LHFPL6: variants seen among roughly 807,000 people sequenced by gnomAD.
The protein encoded by LHFPL6 is LHFPL tetraspan subfamily member 6 protein.
A neutral mutation model predicts 20.6 loss-of-function variants in LHFPL6; 9 were observed. The ratio of observed to expected loss-of-function variants is 0.44; its 90% CI spans 0.26 to 0.76. The LOEUF (loss-of-function observed/expected upper bound fraction) is 0.76. LHFPL6 is among the 30% of genes least tolerant of loss of function. The pLI is 0.20. For synonymous variants in LHFPL6, 105 were observed against 98.7 expected (o/e 1.06, Z -0.38); for missense variants, 218 against 253.5 (o/e 0.86, Z 0.95).
intron 2 of LHFPL6, among the ~76,000 whole-genome samples, chr13:39,571,165 T>C (rs1047778294): frequency 6.6e-6 from 1 of 152,204 alleles, no homozygotes. Flanking sequence ...GGCAGCCAAA[T>C]GCCTAGACAG....
At chr13:39,414,688 T>C (rs1042501524) in intron 2 of LHFPL6, among the ~76,000 whole-genome samples, 2 of 152,226 alleles carry the variant, frequency 1.3e-5, no homozygotes, top group Admixed American at 6.5e-5. Flanking sequence ...AAACATGCTA[T>C]GAAATTCTTG....
chr13:39,451,461 C>T (rs1872442040), intron 2 of LHFPL6, among the ~76,000 whole-genome samples: 1 of 152,196 alleles, frequency 6.6e-6, no homozygotes, highest in Non-Finnish European at 1.5e-5. Flanking sequence ...AAACAGTTGG[C>T]CTGTAGCCAA....
chr13:39,542,825 T>C (rs1305625508), intron 2 of LHFPL6, among the ~76,000 whole-genome samples: 3 of 152,226 alleles, frequency 2.0e-5, no homozygotes, highest in African/African-American at 4.8e-5. Context: ...GAACAGGACG[T>C]GTCTCCAAGT....
At chr13:39,527,980 T>C (rs929047053) in intron 2 of LHFPL6, among the ~76,000 whole-genome samples, 3 of 152,346 alleles carry the variant, frequency 2.0e-5, no homozygotes, top group Non-Finnish European at 4.4e-5. Flanking sequence ...ATATGCTATT[T>C]TATCTGACCT....
chr13:39,495,598 C>A (rs959398643), intron 2 of LHFPL6, among the ~76,000 whole-genome samples: 5 of 136,328 alleles, frequency 3.7e-5, no homozygotes, highest in African/African-American at 1.3e-4. Context: ...AACGACCATA[C>A]TAGGCTTTTT....
intron 3 of LHFPL6, among the ~76,000 whole-genome samples, chr13:39,345,583 G>A (rs1305653681): frequency 6.8e-6 from 1 of 147,576 alleles, no homozygotes; most frequent in South Asian, 2.2e-4. Context: ...CAGTCTGCAG[G>A]AAAACAGCCT....
chr13:39,347,207 GTC>G (rs1417183916), intron 3 of LHFPL6, among the ~76,000 whole-genome samples: 1 of 150,842 alleles, frequency 6.6e-6, no homozygotes, highest in African/African-American at 2.4e-5. Context: ...CCTGTGTCTT[GTC>G]TCTGGCCACA....
At chr13:39,396,785 GAC>G (rs1452016383) in intron 2 of LHFPL6, among the ~76,000 whole-genome samples, 2 of 152,110 alleles carry the variant, frequency 1.3e-5, no homozygotes, top group Admixed American at 6.6e-5. Context: ...GACAGAATGA[GAC>G]ACTGTCTCAA....
intron 2 of LHFPL6, among the ~76,000 whole-genome samples, chr13:39,495,482 T>C (rs546647711): frequency 4.0e-4 from 61 of 152,316 alleles, no homozygotes; most frequent in Non-Finnish European, 7.2e-4. Context: ...ATTTCAGTTA[T>C]AGGCATCAAA....
At chr13:39,575,320 C>A (rs1872080877) in intron 2 of LHFPL6, among the ~76,000 whole-genome samples, 1 of 152,052 alleles carries the variant, frequency 6.6e-6, no homozygotes, top group African/African-American at 2.4e-5. Context: ...CTATTTGTAC[C>A]CTTACTTGTA....
At chr13:39,576,810 A>AT (rs10716031) in intron 2 of LHFPL6, among the ~76,000 whole-genome samples, 1 of 151,734 alleles carries the variant, frequency 6.6e-6, no homozygotes. Context: ...ATTTAAACAA[A>AT]TTTTTTTTCT....
chr13:39,342,907 G>T lies in LHFPL6; in HGVS notation c.*1029C>A, dbSNP rs979770115. On this transcript the variant is annotated 3_prime_UTR_variant, in exon 4 of 4. Coordinates refer to ENST00000379589, the MANE Select transcript of LHFPL6 (RefSeq NM_005780.3). ...CTCATCTAGCTATTGATCAAAGAGA[G>T]AATTTATTCACAGAGATTTTCAAAT... 3.9e-5 allele frequency: 7 copies of T among 178,924 alleles called. No individual in the cohort carries two copies. Among genetic ancestry groups the T allele is most frequent in the Non-Finnish European group, 7.2e-5 (6 of 83,142 alleles). The allele number at this position is 178,924 out of a possible 1,614,324, so 11.1% of individuals were successfully genotyped here. A position where few individuals can be genotyped will look rare whatever the true frequency, so the allele number is the denominator to read the frequency against.
At position 39,390,545 on chromosome 13, in the gene LHFPL6, TAA is replaced by T. The variant is rs772520388; in HGVS notation, c.386-12021_386-12020del. ...AAGGAAACAAGATTTTACAATGTAA[TAA>T]AGAGTGGGAAGCAGGTGAGAGACGA... is the stretch of plus-strand genomic sequence containing the variant. On this transcript the variant is annotated intron_variant, in intron 2 of 3. Coordinates refer to ENST00000379589, the MANE Select transcript of LHFPL6 (RefSeq NM_005780.3). Among the ~76,000 whole-genome samples, 20 of 151,828 alleles carry T rather than the reference TAA, an allele frequency of 1.3e-4. No homozygotes were observed. In the East Asian group the frequency reaches 1.8e-3, roughly 13 times the overall value.
intron 2 of LHFPL6, among the ~76,000 whole-genome samples, chr13:39,543,456 A>G (rs1870873578): frequency 6.6e-6 from 1 of 152,204 alleles, no homozygotes; most frequent in African/African-American, 2.4e-5. Context: ...CTGGCACATA[A>G]TAAGCACCCA....
chr13:39,525,278 C>T (rs979862920), intron 2 of LHFPL6, among the ~76,000 whole-genome samples: 2 of 151,916 alleles, frequency 1.3e-5, no homozygotes, highest in African/African-American at 4.8e-5. Context: ...GAGGTCTCCG[C>T]CTGAGAAAGA....
intron 3 of LHFPL6, among the ~76,000 whole-genome samples, chr13:39,367,739 G>A (rs1159639200): frequency 6.6e-6 from 1 of 152,208 alleles, no homozygotes; most frequent in Admixed American, 6.5e-5. Context: ...AAAAGCCTAT[G>A]AAAATTGCAA....
chr13:39,431,487 T>C (rs1871801240), intron 2 of LHFPL6, among the ~76,000 whole-genome samples: 1 of 152,220 alleles, frequency 6.6e-6, no homozygotes, highest in Non-Finnish European at 1.5e-5. Flanking sequence ...ACATACCTTT[T>C]GTCTGAATCC....
chr13:39,447,742 G>C (rs75468709), intron 2 of LHFPL6, among the ~76,000 whole-genome samples: 1 of 152,162 alleles, frequency 6.6e-6, no homozygotes, highest in Non-Finnish European at 1.5e-5. Flanking sequence ...AAAAGGGAAG[G>C]ATGCAAGAAG....
intron 2 of LHFPL6, among the ~76,000 whole-genome samples, chr13:39,565,450 T>C (rs763250824): frequency 6.6e-6 from 1 of 152,222 alleles, no homozygotes; most frequent in Non-Finnish European, 1.5e-5. Context: ...TTTATATTTG[T>C]GTAGTTGTTA....
Sources: allele counts gnomAD v4.1 joint callset (sites outside exome capture counted in the v4.1 genomes callset), GRCh38; gene constraint gnomAD v4.1.1; transcripts MANE v1.5; gene names NCBI Gene and HGNC (gene_info 2026-07-23, HGNC 2026-07-21).